Variants in CNTNAP2 observed in about 807,000 individuals in gnomAD.
CNTNAP2 encodes the protein contactin-associated protein-like 2.
A neutral mutation model predicts 155.2 loss-of-function variants in CNTNAP2; 98 were observed. The observed-to-expected ratio is 0.63, with a 90% CI of 0.54 to 0.75. The LOEUF (loss-of-function observed/expected upper bound fraction) is 0.75. Among genes scored for constraint, CNTNAP2 ranks in the 30% least tolerant of loss-of-function variants. CNTNAP2 has a pLI of 0.00. For missense variants in CNTNAP2, 1,727 were observed against 1,688.1 expected (o/e 1.02, Z -0.40); for synonymous variants, 651 against 631.2 (o/e 1.03, Z -0.47).
At chr7:148,412,996 T>C (rs1799876550) in intron 23 of CNTNAP2, among the ~76,000 whole-genome samples, 2 of 152,216 alleles carry the variant, frequency 1.3e-5, no homozygotes, top group African/African-American at 4.8e-5. Context: ...CATTGCTTTA[T>C]TTTTTAATGT....
At chr7:147,997,575 T>G (rs537471586) in intron 15 of CNTNAP2, among the ~76,000 whole-genome samples, 6 of 149,194 alleles carry the variant, frequency 4.0e-5, no homozygotes, top group Non-Finnish European at 8.9e-5. Flanking sequence ...AAAAAAAAAT[T>G]TAAACAAGAG....
At chr7:148,227,932 TGTGA>T (rs1021515632) in intron 19 of CNTNAP2, among the ~76,000 whole-genome samples, 16 of 139,144 alleles carry the variant, frequency 1.1e-4, no homozygotes, top group African/African-American at 3.8e-4. Flanking sequence ...TGTGTGTGTG[TGTGA>T]AAGTCTGGAA....
intron 1 of CNTNAP2, among the ~76,000 whole-genome samples, chr7:146,743,984 T>C (rs1330987964): frequency 1.3e-5 from 2 of 152,032 alleles, no homozygotes; most frequent in African/African-American, 4.8e-5. Flanking sequence ...CCCAGCACTT[T>C]GGGAGGCTGA....
chr7:147,675,584 C>T (rs549839603), intron 13 of CNTNAP2, among the ~76,000 whole-genome samples: 10 of 152,146 alleles, frequency 6.6e-5, no homozygotes, highest in Admixed American at 1.3e-4. Context: ...TTGGATGATT[C>T]GCACATTGGT....
chr7:146,244,560 T>C lies in CNTNAP2; in HGVS notation c.97+127587T>C, dbSNP rs551859157. ...AAAGTATTGTCCAGTCCTTTTTAAG[T>C]TGGTGGCTGAGCTTGGTGAGGTGTG... On this transcript the variant is annotated intron_variant, in intron 1 of 23. Coordinates refer to ENST00000361727, the MANE Select transcript of CNTNAP2 (RefSeq NM_014141.6). 3.8e-4 allele frequency among the ~76,000 whole-genome samples: 58 copies of C among 152,282 alleles called. No homozygotes were observed. The South Asian group carries it at 6.6e-3, about 17-fold the overall frequency.
intron 2 of CNTNAP2, among the ~76,000 whole-genome samples, chr7:146,801,566 C>A (rs1477599838): frequency 6.6e-6 from 1 of 152,088 alleles, no homozygotes; most frequent in Admixed American, 6.6e-5. Flanking sequence ...AGAGAATTTT[C>A]AGGGAAAAAT....
intron 21 of CNTNAP2, among the ~76,000 whole-genome samples, chr7:148,281,297 A>G (rs1166908287): frequency 6.6e-6 from 1 of 152,244 alleles, no homozygotes; most frequent in Non-Finnish European, 1.5e-5. Context: ...CTCTCAAGGA[A>G]AGTCCCCGAT....
intron 15 of CNTNAP2, among the ~76,000 whole-genome samples, chr7:148,112,868 T>TAA (rs71527879): frequency 3.3e-5 from 5 of 149,966 alleles, no homozygotes; most frequent in South Asian, 4.2e-4. Context: ...TTTTTTTTTT[T>TAA]AAAAAAAAAT....
chr7:146,263,093 C>T (rs955323933), intron 1 of CNTNAP2, among the ~76,000 whole-genome samples: 9 of 151,958 alleles, frequency 5.9e-5, no homozygotes, highest in African/African-American at 2.2e-4. Context: ...ATGAGGCGGA[C>T]AAATCATGAG....
chr7:147,105,676 T>C (rs2129278888), intron 4 of CNTNAP2, among the ~76,000 whole-genome samples: 1 of 152,190 alleles, frequency 6.6e-6, no homozygotes, highest in South Asian at 2.1e-4. Context: ...GCTCTGAGCT[T>C]ACATCCACAA....
intron 18 of CNTNAP2, among the ~76,000 whole-genome samples, chr7:148,196,121 A>C (rs1795273644): frequency 6.6e-6 from 1 of 152,234 alleles, no homozygotes; most frequent in African/African-American, 2.4e-5. Flanking sequence ...TTTCTAGGAG[A>C]ATATCCCATT....
At chr7:147,164,942 A>G (rs1459489904) in intron 8 of CNTNAP2, among the ~76,000 whole-genome samples, 1 of 152,244 alleles carries the variant, frequency 6.6e-6, no homozygotes, top group African/African-American at 2.4e-5. Context: ...TTCTTTATAC[A>G]CTTAATTTCA....
intron 10 of CNTNAP2, among the ~76,000 whole-genome samples, chr7:147,412,952 A>G (rs1040257376): frequency 1.3e-5 from 2 of 152,200 alleles, no homozygotes; most frequent in Non-Finnish European, 2.9e-5. Context: ...TGGAATGTGC[A>G]TACATGTTTG....
At chr7:146,551,570 G>A (rs191464816) in intron 1 of CNTNAP2, among the ~76,000 whole-genome samples, 1 of 151,828 alleles carries the variant, frequency 6.6e-6, no homozygotes, top group Non-Finnish European at 1.5e-5. Context: ...CCAAGTCTTT[G>A]CTATTGTGAA....
At chr7:147,036,562 A>G (rs1455448352) in intron 3 of CNTNAP2, among the ~76,000 whole-genome samples, 1 of 152,188 alleles carries the variant, frequency 6.6e-6, no homozygotes, top group African/African-American at 2.4e-5. Context: ...TTATAATAAT[A>G]AACCCTATTC....
chr7:146,961,319 C>T (rs1321907448), intron 3 of CNTNAP2, among the ~76,000 whole-genome samples: 1 of 152,138 alleles, frequency 6.6e-6, no homozygotes, highest in Non-Finnish European at 1.5e-5. Flanking sequence ...AAGAATGCAA[C>T]CATTAGCCCA....
At chr7:146,531,667 T>C (rs530472001) in intron 1 of CNTNAP2, among the ~76,000 whole-genome samples, 72 of 152,222 alleles carry the variant, frequency 4.7e-4, no homozygotes, top group African/African-American at 1.5e-3. Context: ...TGCCTCAGCC[T>C]CCCAAGTAGC....
intron 15 of CNTNAP2, among the ~76,000 whole-genome samples, chr7:148,041,770 C>T (rs1250649135): frequency 6.6e-6 from 1 of 152,158 alleles, no homozygotes; most frequent in South Asian, 2.1e-4. Context: ...ACACCTTAGT[C>T]AACAAGCATC....
chr7:146,813,969 A>G (rs1326147580), intron 2 of CNTNAP2, among the ~76,000 whole-genome samples: 7 of 152,124 alleles, frequency 4.6e-5, no homozygotes, highest in East Asian at 3.9e-4. Flanking sequence ...GTGAAGAAGG[A>G]TGTGTTTACT....
Sources: gnomAD v4.1 joint callset for allele counts (sites outside exome capture counted in the v4.1 genomes callset) on GRCh38, gnomAD v4.1.1 for gene constraint, MANE v1.5 for transcripts, NCBI Gene and HGNC (gene_info 2026-07-23, HGNC 2026-07-21) for gene names.